The following PSMA7 variants were observed in gnomAD, a reference collection of about 807,000 sequenced individuals.
PSMA7 encodes the protein proteasome 20S subunit alpha 7, also known as proteasome subunit alpha type-7.
In PSMA7, 5 loss-of-function variants were observed where a neutral mutation model predicts 31.3. That is an observed-to-expected ratio of 0.16 (90% CI 0.08 to 0.34). The LOEUF is 0.34. Among genes scored for constraint, PSMA7 ranks in the 10% least tolerant of loss-of-function variants. The pLI, the probability that PSMA7 is intolerant of heterozygous loss-of-function variation, is 1.00. For synonymous variants in PSMA7, 155 were observed against 121.9 expected (o/e 1.27, Z -1.79); for missense variants, 217 against 327.5 (o/e 0.66, Z 2.60).
chr20:62,139,276 C>T lies in PSMA7; in HGVS notation c.349-79G>A, dbSNP rs878967486. The T allele has an allele frequency of 2.5e-5, 38 of 1,534,296 alleles. No individual in the cohort carries two copies. The South Asian group carries it at 3.6e-4, about 14-fold the overall frequency. ...GAAAGAACCGTACTTAGTGAAGATA[C>T]GAACATTTTAAACCATGCCTGAGCC... On this transcript the variant is annotated intron_variant, in intron 3 of 6. Coordinates refer to ENST00000370873, the MANE Select transcript of PSMA7 (RefSeq NM_002792.4).
chr20:62,141,039 G>A, intron 1 of PSMA7, 95 bp from the exon 2 acceptor site: 2 of 1,462,144 alleles, frequency 1.4e-6, no homozygotes, highest in South Asian at 1.2e-5. Flanking sequence ...GGAGGCTGAG[G>A]TGGGTGGATG....
rs1412342300 is a variant in PSMA7 at position 62,139,892 on chromosome 20, A to G, written c.237T>C (p.Asp79=). ...GGGCCCTGTTGATGACTATCCTTGCATCGGCGGTGAGGCCTGCAAGGAAAG... is the reference window on the plus strand; with the variant it reads ...GGGCCCTGTTGATGACTATCCTTGCGTCGGCGGTGAGGCCTGCAAGGAAAG... ...VCMAFAGLTA[D]ARIVINRARV... Residue 79 remains aspartate, a synonymous_variant, in exon 3 of 7, where the codon GAT becomes GAC. Coordinates refer to ENST00000370873, the MANE Select transcript of PSMA7 (RefSeq NM_002792.4). 3 of 1,613,602 alleles carry G rather than the reference A, an allele frequency of 1.9e-6. No individual in the cohort carries two copies. Among genetic ancestry groups the G allele is most frequent in the African/African-American group, 1.3e-5 (1 of 74,940 alleles).
intron 4 of PSMA7, 98 bp downstream of exon 4, chr20:62,138,977 T>G: frequency 2.1e-6 from 3 of 1,454,400 alleles, no homozygotes; most frequent in Non-Finnish European, 2.8e-6. Context: ...ACTGACTCAT[T>G]CACTGATACA....
At chr20:62,141,160 T>C (rs2056925197) in intron 1 of PSMA7, among the ~76,000 whole-genome samples, 1 of 152,120 alleles carries the variant, frequency 6.6e-6, no homozygotes, top group African/African-American at 2.4e-5. Flanking sequence ...TCCCAGCTAC[T>C]GTGGGGGCTG....
At chr20:62,137,481 G>A (rs1484573630) in intron 5 of PSMA7, 55 bp from the exon 6 acceptor site, 1 of 1,557,418 alleles carries the variant, frequency 6.4e-7, no homozygotes, top group East Asian at 2.2e-5. Context: ...CAAGACAAAA[G>A]CAGCTCTCAG....
intron 5 of PSMA7, 29 bp from the exon 6 acceptor site, chr20:62,137,455 A>C (rs2281740): frequency 6.2e-7 from 1 of 1,610,254 alleles, no homozygotes; most frequent in African/African-American, 1.3e-5. Flanking sequence ...AGGAGCATTA[A>C]CCACCTTTCC....
intron 4 of PSMA7, among the ~76,000 whole-genome samples, chr20:62,138,823 G>A (rs571068469): frequency 3.3e-5 from 5 of 152,184 alleles, no homozygotes; most frequent in Admixed American, 2.6e-4. Flanking sequence ...CTCCCAAAGT[G>A]CTGGGATTAC....
rs373229033 is a variant in PSMA7, at chr20:62,138,126, CGTG to C, written c.591+42_591+44del. On this transcript the variant is annotated intron_variant, in intron 5 of 6. Coordinates refer to ENST00000370873, the MANE Select transcript of PSMA7 (RefSeq NM_002792.4). ...ATCTACCTACCACTCACCACCAAAACGTGGTATCTTCACCACCTTGCCTGGATT... is the reference window on the plus strand; with the variant it reads ...ATCTACCTACCACTCACCACCAAAACGTATCTTCACCACCTTGCCTGGATT... 286 of 1,613,310 alleles carry C rather than the reference CGTG, an allele frequency of 1.8e-4. No individual in the cohort carries two copies. The African/African-American group carries it at 3.0e-3, about 17-fold the overall frequency.
At chr20:62,141,343 G>A (rs1000643887) in intron 1 of PSMA7, among the ~76,000 whole-genome samples, 1 of 152,170 alleles carries the variant, frequency 6.6e-6, no homozygotes, top group Non-Finnish European at 1.5e-5. Context: ...TGGGTCCTGG[G>A]GGGTACGTAC....
At position 62,139,595 on chromosome 20, in the gene PSMA7, G is replaced by A. The variant is rs2056914911; in HGVS notation, c.348+186C>T. 5.2e-6 allele frequency: 5 copies of A among 962,188 alleles called. No homozygotes were observed. The Admixed American group carries it at 6.4e-5, about 12-fold the overall frequency. 59.6% of individuals were successfully genotyped at this position (962,188 alleles called of 1,614,324 possible). On this transcript the variant is annotated intron_variant, in intron 3 of 6. Transcript: ENST00000370873. ...TGGAATATCCCATGCCAGGAACTGA[G>A]AACAGAACAATGTTACTGAAATTGG...
rs778671558 is a variant in PSMA7, at chr20:62,139,214, C to T, written c.349-17G>A. The T allele has an allele frequency of 1.7e-5, 27 of 1,607,406 alleles. No homozygotes were observed. The highest frequency in any genetic ancestry group is 5.4e-5 in the African/African-American group (4 of 74,666). On this transcript the variant is annotated splice_polypyrimidine_tract_variant and intron_variant, in intron 3 of 6. Coordinates refer to ENST00000370873, the MANE Select transcript of PSMA7 (RefSeq NM_002792.4). ...CGTATAACGCTAGCAAGAAAAGAAA[C>T]AGGTCAGTGCCATCCAATTAAGAAA...
At chr20:62,137,969 A>G (rs530907679) in intron 5 of PSMA7, among the ~76,000 whole-genome samples, 1 of 151,760 alleles carries the variant, frequency 6.6e-6, no homozygotes, top group Non-Finnish European at 1.5e-5. Flanking sequence ...GGATAAAGAC[A>G]CTAATGATCA....
chr20:62,141,309 G>A (rs372033817), intron 1 of PSMA7, among the ~76,000 whole-genome samples: 55 of 152,268 alleles, frequency 3.6e-4, no homozygotes, highest in African/African-American at 1.1e-3. Context: ...GCCAGGCAGC[G>A]AGCAGTAGGA....
At chr20:62,142,597 C>T (rs2056940058) in intron 1 of PSMA7, 1 of 152,390 alleles carries the variant, frequency 6.6e-6, no homozygotes, top group East Asian at 1.9e-4. Context: ...ACCCGGGCGG[C>T]TGCAGCCCGG....
intron 2 of PSMA7, among the ~76,000 whole-genome samples, chr20:62,140,203 C>T (rs1464482053): frequency 6.6e-6 from 1 of 152,118 alleles, no homozygotes; most frequent in African/African-American, 2.4e-5. Flanking sequence ...TGTAGGCTGC[C>T]GTGCAGAATC....
At chr20:62,141,047 A>G (rs2056924607) in intron 1 of PSMA7, 103 bp from the exon 2 acceptor site, 7 of 1,418,628 alleles carry the variant, frequency 4.9e-6, no homozygotes, top group Non-Finnish European at 5.8e-6. Flanking sequence ...AGGTGGGTGG[A>G]TGACTTAAAT....
At chr20:62,143,083 C>A (rs1371100910) in intron 1 of PSMA7, 125 bp downstream of exon 1, 15 of 412,338 alleles carry the variant, frequency 3.6e-5, no homozygotes, top group Non-Finnish European at 4.3e-5. Flanking sequence ...CCCTGACCGC[C>A]CGCGCCGCTG....
intron 2 of PSMA7, 68 bp downstream of exon 2, chr20:62,140,750 T>G: frequency 2.6e-6 from 4 of 1,568,578 alleles, no homozygotes; most frequent in Non-Finnish European, 3.5e-6. Flanking sequence ...ACACCCAAGT[T>G]AATCTCCAAA....
chr20:62,138,791 C>T lies in PSMA7; in HGVS notation c.471+284G>A, dbSNP rs2056910275. On this transcript the variant is annotated intron_variant, in intron 4 of 6. Transcript: ENST00000370873. ...CAGGCTGGTCTCGAACACCTGACCT[C>T]AGGTGATCCAACTGCCTCGGCCTCC... 2.6e-5 allele frequency among the ~76,000 whole-genome samples: 4 copies of T among 152,306 alleles called. No individual in the cohort carries two copies. In the South Asian group the frequency reaches 8.3e-4, roughly 32 times the overall value.
Sources: gnomAD v4.1 joint callset for allele counts (sites outside exome capture counted in the v4.1 genomes callset) on GRCh38, gnomAD v4.1.1 for gene constraint, MANE v1.5 for transcripts, NCBI Gene and HGNC (gene_info 2026-07-23, HGNC 2026-07-21) for gene names.